The following JAKMIP2 variants were observed in gnomAD, a reference collection of about 807,000 sequenced individuals.
The protein encoded by JAKMIP2 is janus kinase and microtubule-interacting protein 2.
In JAKMIP2, 25 loss-of-function variants were observed where a neutral mutation model predicts 115.0. That is an observed-to-expected ratio of 0.22 (90% confidence interval 0.16 to 0.30). JAKMIP2 has a LOEUF of 0.30. JAKMIP2 is among the 10% of genes least tolerant of loss of function. JAKMIP2 has a pLI of 1.00. For synonymous variants in JAKMIP2, 334 were observed against 343.6 expected (o/e 0.97, Z 0.31); for missense variants, 642 against 957.6 (o/e 0.67, Z 4.35).
At chr5:147,761,346 C>T (rs1372511146) in intron 1 of JAKMIP2, among the ~76,000 whole-genome samples, 2 of 151,956 alleles carry the variant, frequency 1.3e-5, no homozygotes, top group Non-Finnish European at 2.9e-5. Context: ...GTATTTAATA[C>T]TGAAAATAAT....
At chr5:147,743,084 T>A (rs1019042131) in intron 1 of JAKMIP2, among the ~76,000 whole-genome samples, 1 of 152,192 alleles carries the variant, frequency 6.6e-6, no homozygotes, top group Admixed American at 6.5e-5. Context: ...TTATGAGAAA[T>A]AAATGAGTTT....
Position 147,589,267 on chromosome 5 carries a change from T to TG in JAKMIP2, c.*2439dup, listed in dbSNP as rs1460559772. On this transcript the variant is annotated 3_prime_UTR_variant, in exon 22 of 22. Transcript: ENST00000616793. Reference sequence around the variant, plus strand: ...TTCGAGACCAGCCTGACCAGCATAGTGAAACCCTGTCTCTACTAAAAATAC... The same window carrying TG: ...TTCGAGACCAGCCTGACCAGCATAGTGGAAACCCTGTCTCTACTAAAAATAC... 1 of 152,142 alleles carries TG rather than the reference T, an allele frequency of 6.6e-6. No individual in the cohort carries two copies. The highest frequency in any genetic ancestry group is 1.5e-5 in the Non-Finnish European group (1 of 68,142). The allele number at this position is 152,142 out of a possible 1,614,324, so 9.4% of individuals were successfully genotyped here.
rs750019942 is a variant in JAKMIP2 at position 147,606,345 on chromosome 5, G to T, written c.2413-4534C>A. Among the ~76,000 whole-genome samples the T allele has an allele frequency of 6.6e-5, 10 of 152,262 alleles. No homozygotes were observed. The South Asian group carries it at 1.9e-3, about 28-fold the overall frequency. On this transcript the variant is annotated intron_variant, in intron 20 of 21. Transcript: ENST00000616793. ...TACGTTTAAATCTTTAATCCATCTT[G>T]AGTTAATTTTCGTATAAGGTGTAAG...
intron 14 of JAKMIP2, among the ~76,000 whole-genome samples, chr5:147,630,369 G>GA (rs988804351): frequency 1.3e-5 from 2 of 152,128 alleles, no homozygotes; most frequent in African/African-American, 2.4e-5. Context: ...ATTTATCTGA[G>GA]AAAAAATGCA....
chr5:147,661,541 T>A, intron 2 of JAKMIP2, 96 bp from the exon 3 acceptor site: 1 of 1,259,168 alleles, frequency 7.9e-7, no homozygotes, highest in Non-Finnish European at 1.1e-6. Context: ...TGTGATCTCT[T>A]AATTCCTCAT....
intron 1 of JAKMIP2, among the ~76,000 whole-genome samples, chr5:147,716,508 T>C (rs1369053929): frequency 4.0e-5 from 6 of 151,838 alleles, no homozygotes; most frequent in African/African-American, 1.2e-4. Flanking sequence ...CAGCACCTGC[T>C]GTTTCCTGAC....
chr5:147,671,914 T>C lies in JAKMIP2; in HGVS notation c.-108A>G, dbSNP rs1759618579. The C allele has an allele frequency of 7.3e-7, 1 of 1,365,628 alleles. No individual in the cohort carries two copies. Among genetic ancestry groups the C allele is most frequent in the Admixed American group, 2.8e-5 (1 of 35,496 alleles). The allele number at this position is 1,365,628 out of a possible 1,614,324, so 84.6% of individuals were successfully genotyped here. ...CGATGTCTCAGCATCTACTGTGTGG[T>C]GCTCCTTGGTAAGGTCTCCTCAATC... On this transcript the variant is annotated 5_prime_UTR_variant, in exon 2 of 22. Transcript: ENST00000616793.
chr5:147,650,448 C>T lies in JAKMIP2; in HGVS notation c.727G>A (p.Ala243Thr), dbSNP rs1475735113. 1 of 1,613,740 alleles carries T rather than the reference C, an allele frequency of 6.2e-7. No homozygotes were observed. The highest frequency in any genetic ancestry group is 1.1e-5 in the South Asian group (1 of 91,068). The change falls in exon 4 of 22, where the codon GCT becomes ACT. Residue 243 changes from alanine (A) to threonine (T), a missense_variant. By Grantham distance (58) the Ala-to-Thr change is moderately conservative. Transcript: ENST00000616793. The part of the protein sequence containing the change: ...YVQKLQLQKE[A>T]LDEQLFLVKE... ...ACCAGAAAGAGTTGTTCGTCCAAAG[C>T]CTCCTTCTGAAGTTGGAGTTTCTGT... is the stretch of plus-strand genomic sequence containing the variant.
intron 9 of JAKMIP2, 116 bp downstream of exon 9, chr5:147,640,588 A>G: frequency 9.6e-7 from 1 of 1,045,568 alleles, no homozygotes; most frequent in Non-Finnish European, 1.4e-6. Context: ...TACTATTATG[A>G]GATCACTTTG....
Position 147,590,813 on chromosome 5 carries a change from A to G in JAKMIP2, c.*894T>C, listed in dbSNP as rs1257609430. The G allele has an allele frequency of 1.3e-5, 2 of 152,230 alleles. No individual in the cohort carries two copies. The highest frequency in any genetic ancestry group is 2.9e-5 in the Non-Finnish European group (2 of 68,048). 9.4% of individuals were successfully genotyped at this position (152,230 alleles called of 1,614,324 possible). Reference sequence around the variant, plus strand: ...CTAAGTCAGGGAGCATGTGATTTACAGTATCATCTTCTTAGTTTTCAATAT... The same window carrying G: ...CTAAGTCAGGGAGCATGTGATTTACGGTATCATCTTCTTAGTTTTCAATAT... On this transcript the variant is annotated 3_prime_UTR_variant, in exon 22 of 22. Transcript: ENST00000616793.
chr5:147,734,967 T>C (rs545093059), intron 1 of JAKMIP2, among the ~76,000 whole-genome samples: 5 of 152,268 alleles, frequency 3.3e-5, no homozygotes, highest in Admixed American at 2.0e-4. Flanking sequence ...AGTGAAATGC[T>C]CTACTACTGC....
chr5:147,757,409 G>GTCCTTAAAT (rs1205160812), intron 1 of JAKMIP2, among the ~76,000 whole-genome samples: 2 of 152,012 alleles, frequency 1.3e-5, no homozygotes, highest in African/African-American at 4.8e-5. Context: ...ATTAAATGTG[G>GTCCTTAAAT]TCCTTAAATT....
intron 2 of JAKMIP2, among the ~76,000 whole-genome samples, chr5:147,670,670 A>G (rs1759532769): frequency 6.6e-6 from 1 of 152,196 alleles, no homozygotes; most frequent in African/African-American, 2.4e-5. Context: ...CAGCTCTCTG[A>G]GCACCTGACG....
chr5:147,610,362 C>T (rs1206768754), intron 20 of JAKMIP2, among the ~76,000 whole-genome samples: 1 of 152,158 alleles, frequency 6.6e-6, no homozygotes. Flanking sequence ...CCTTCGGATA[C>T]AGTTTTTGCA....
chr5:147,779,008 T>A (rs1365861076), intron 1 of JAKMIP2, among the ~76,000 whole-genome samples: 1 of 152,146 alleles, frequency 6.6e-6, no homozygotes, highest in East Asian at 1.9e-4. Flanking sequence ...ACCTAATTTA[T>A]GTCTTTCAGT....
At chr5:147,632,923 A>ATTTGG (rs1757432895) in intron 12 of JAKMIP2, 145 bp from the exon 13 acceptor site, 5 of 558,682 alleles carry the variant, frequency 8.9e-6, no homozygotes, top group Non-Finnish European at 3.2e-6. Context: ...TAAAATAAGT[A>ATTTGG]TTTGGCTTTG....
chr5:147,697,019 G>C (rs1398589796), intron 1 of JAKMIP2, among the ~76,000 whole-genome samples: 1 of 152,138 alleles, frequency 6.6e-6, no homozygotes, highest in Non-Finnish European at 1.5e-5. Flanking sequence ...TGATGCAATA[G>C]AAAAGAAAAA....
At chr5:147,693,927 A>G (rs1352195828) in intron 1 of JAKMIP2, among the ~76,000 whole-genome samples, 1 of 152,212 alleles carries the variant, frequency 6.6e-6, no homozygotes, top group Non-Finnish European at 1.5e-5. Flanking sequence ...CTTCTCAAAT[A>G]AATCCTTTCT....
chr5:147,725,973 T>C (rs1279477748), intron 1 of JAKMIP2, among the ~76,000 whole-genome samples: 2 of 152,180 alleles, frequency 1.3e-5, no homozygotes, highest in African/African-American at 2.4e-5. Flanking sequence ...TCCTTCACTA[T>C]TGACAAGTGG....
Sources: gnomAD v4.1 joint callset for allele counts (sites outside exome capture counted in the v4.1 genomes callset) on GRCh38, gnomAD v4.1.1 for gene constraint, MANE v1.5 for transcripts, NCBI Gene and HGNC (gene_info 2026-07-23, HGNC 2026-07-21) for gene names.